DDC: variants seen among roughly 807,000 people sequenced by gnomAD.
The protein encoded by DDC is aromatic-L-amino-acid decarboxylase.
In DDC, 43 loss-of-function variants were observed where a neutral mutation model predicts 60.0. That is an observed-to-expected ratio of 0.72 (90% CI 0.56 to 0.92). The LOEUF is 0.92. DDC is among the 40% of genes least tolerant of loss of function. The pLI is 0.00. For missense variants in DDC, 573 were observed against 620.2 expected (o/e 0.92, Z 0.81); for synonymous variants, 232 against 234.6 (o/e 0.99, Z 0.10).
chr7:50,519,334 G>A (rs1329953226), intron 6 of DDC, among the ~76,000 whole-genome samples: 1 of 152,232 alleles, frequency 6.6e-6, no homozygotes, highest in Non-Finnish European at 1.5e-5. Context: ...TCTGTGTGGA[G>A]ATTCCTAAAA....
chr7:50,508,059 T>A (rs1175588185), intron 6 of DDC, among the ~76,000 whole-genome samples: 1 of 152,140 alleles, frequency 6.6e-6, no homozygotes, highest in African/African-American at 2.4e-5. Context: ...TCCCTGAACA[T>A]CAGTTAACGA....
intron 1 of DDC, among the ~76,000 whole-genome samples, chr7:50,553,484 C>CTTTTTTTT (rs5884158): frequency 1.2e-3 from 110 of 90,850 alleles, no homozygotes; most frequent in Middle Eastern, 0.014. Context: ...TCTTTCTTTT[C>CTTTTTTTT]TTTTTTTTTT....
At chr7:50,505,121 CTGGCACAGCCTGACTG>C (rs2043356112) in intron 6 of DDC, among the ~76,000 whole-genome samples, 1 of 152,248 alleles carries the variant, frequency 6.6e-6, no homozygotes, top group Non-Finnish European at 1.5e-5. Flanking sequence ...CACGATCGCA[CTGGCACAGCCTGACTG>C]TGTTGTCCCC....
At chr7:50,510,327 A>G (rs2043518356) in intron 6 of DDC, among the ~76,000 whole-genome samples, 1 of 152,264 alleles carries the variant, frequency 6.6e-6, no homozygotes. Flanking sequence ...ATAGATAAGT[A>G]AATAAGTAAA....
intron 9 of DDC, among the ~76,000 whole-genome samples, chr7:50,489,935 A>T (rs6952938): frequency 0.019 from 2,923 of 152,356 alleles, 167 homozygotes; most frequent in Admixed American, 0.12. Flanking sequence ...TGTTTATAAA[A>T]TTTGAGAGAG....
intron 4 of DDC, among the ~76,000 whole-genome samples, chr7:50,534,278 C>T (rs1257933137): frequency 6.6e-6 from 1 of 152,144 alleles, no homozygotes; most frequent in East Asian, 1.9e-4. Context: ...TTTCAGAAGG[C>T]CTGCTCCTTT....
intron 2 of DDC, chr7:50,542,880 G>A (rs2044679947): frequency 6.6e-6 from 1 of 152,250 alleles, no homozygotes. Flanking sequence ...CAGGGCCTGA[G>A]GCCTAGTCTC....
intron 1 of DDC, among the ~76,000 whole-genome samples, chr7:50,562,275 G>T (rs1369677528): frequency 6.6e-6 from 1 of 152,216 alleles, no homozygotes; most frequent in East Asian, 1.9e-4. Context: ...TGCATAAGCA[G>T]CTCCCTCCAG....
At chr7:50,468,314 C>T (rs2042446909) in intron 12 of DDC, among the ~76,000 whole-genome samples, 1 of 152,206 alleles carries the variant, frequency 6.6e-6, no homozygotes, top group Non-Finnish European at 1.5e-5. Context: ...GATTGGGTCC[C>T]CTTTAAGAAA....
chr7:50,496,289 A>T (rs1192853073), intron 8 of DDC, among the ~76,000 whole-genome samples: 2 of 151,974 alleles, frequency 1.3e-5, no homozygotes, highest in Non-Finnish European at 2.9e-5. Context: ...GTGTCTCATT[A>T]CGTTGCCCAG....
At chr7:50,546,042 G>T (rs1284209262) in intron 1 of DDC, among the ~76,000 whole-genome samples, 1 of 152,128 alleles carries the variant, frequency 6.6e-6, no homozygotes, top group African/African-American at 2.4e-5. Context: ...GCAGAAATAG[G>T]ATTCAAATTT....
rs199853428 is a variant in DDC at position 50,519,891 on chromosome 7, GA to G, written c.714+8245del. On this transcript the variant is annotated intron_variant, in intron 6 of 14. Coordinates refer to ENST00000444124, the MANE Select transcript of DDC (RefSeq NM_001082971.2). ...ACCTGTACCCTAATAACTTATGGGGGAAAAAAAGTTTACACCTAAGGCCAAT... is the reference window on the plus strand; with the variant it reads ...ACCTGTACCCTAATAACTTATGGGGGAAAAAAGTTTACACCTAAGGCCAAT... Among the ~76,000 whole-genome samples the G allele has an allele frequency of 1.8e-3, 272 of 152,102 alleles. 4 individuals are homozygous for G. In the East Asian group the frequency reaches 0.022, roughly 12 times the overall value.
intron 11 of DDC, among the ~76,000 whole-genome samples, chr7:50,472,184 T>C (rs1404934583): frequency 2.6e-5 from 4 of 152,082 alleles, no homozygotes; most frequent in African/African-American, 9.7e-5. Flanking sequence ...CAGACTAAGT[T>C]CCCAGAGGAA....
At position 50,544,238 on chromosome 7, in the gene DDC, C is replaced by A; in HGVS notation, c.-28-125G>T. ...TGCATGCCCTGGAGGCCACTTGGAT[C>A]CCAAGTAAGGGGCGCTTTCCCTCCA... On this transcript the variant is annotated intron_variant, in intron 1 of 14. Transcript: ENST00000444124. The A allele has an allele frequency of 4.0e-6, 3 of 744,814 alleles. No homozygotes were observed. In the South Asian group the frequency reaches 4.4e-5, roughly 11 times the overall value. 46.1% of individuals were successfully genotyped at this position (744,814 alleles called of 1,614,324 possible).
chr7:50,529,189 AC>A lies in DDC; in HGVS notation c.570+18del. The A allele has an allele frequency of 6.2e-7, 1 of 1,612,470 alleles. No individual in the cohort carries two copies. On this transcript the variant is annotated intron_variant, in intron 5 of 14. Coordinates refer to ENST00000444124, the MANE Select transcript of DDC (RefSeq NM_001082971.2). ...TTCGGGTCTTGAAGTCTTGGCTGAT[AC>A]CCCCACAACACACTCACCTGATCGG... is the stretch of plus-strand genomic sequence containing the variant.
chr7:50,512,408 T>C (rs145153907), intron 6 of DDC, among the ~76,000 whole-genome samples: 1,910 of 152,298 alleles, frequency 0.013, 36 homozygotes, highest in African/African-American at 0.044. Flanking sequence ...ATCTGTTTGA[T>C]GCAATTATTT....
At chr7:50,495,485 C>G (rs1001142528) in intron 8 of DDC, 68 bp from the exon 9 acceptor site, 10 of 1,244,890 alleles carry the variant, frequency 8.0e-6, no homozygotes, top group Admixed American at 7.5e-5. Context: ...AAAGAAGACC[C>G]CATACATGAT....
rs775862969 is a variant in DDC at position 50,470,159 on chromosome 7, G to T, written c.1054C>A (p.Pro352Thr). The change falls in exon 12 of 15, where the codon CCA (proline) becomes ACA (threonine). Residue 352 changes from proline (P) to threonine (T), a missense_variant. Physicochemically the swap from Pro to Thr is conservative, Grantham distance 38. Transcript: ENST00000444124. Reference protein sequence around the residue: ...LITDYRHWQIPLGRRFRSLKM... With the variant: ...LITDYRHWQITLGRRFRSLKM... ...AAAGAGCGAAATCTTCTGCCCAGTGGTATCTGCCAATGCTGAAATGAAACA... is the reference window on the plus strand; with the variant it reads ...AAAGAGCGAAATCTTCTGCCCAGTGTTATCTGCCAATGCTGAAATGAAACA... 2 of 1,610,312 alleles carry T rather than the reference G, an allele frequency of 1.2e-6. No homozygotes were observed. Among genetic ancestry groups the T allele is most frequent in the Non-Finnish European group, 1.7e-6 (2 of 1,176,658 alleles).
chr7:50,506,963 T>TC (rs1480326698), intron 6 of DDC, among the ~76,000 whole-genome samples: 1 of 152,252 alleles, frequency 6.6e-6, no homozygotes, highest in Admixed American at 6.5e-5. Flanking sequence ...GTGTTGTTTT[T>TC]CTCTGCTATT....
Sources: gnomAD v4.1 joint callset for allele counts (sites outside exome capture counted in the v4.1 genomes callset) on GRCh38, gnomAD v4.1.1 for gene constraint, MANE v1.5 for transcripts, NCBI Gene and HGNC (gene_info 2026-07-23, HGNC 2026-07-21) for gene names.